Variants in KIF3C observed in about 807,000 individuals in gnomAD.
KIF3C encodes kinesin-like protein KIF3C.
KIF3C carries 12 observed loss-of-function variants against 67.7 expected under a neutral mutation model. That is an observed-to-expected ratio of 0.18 (90% confidence interval 0.11 to 0.29). The LOEUF (loss-of-function observed/expected upper bound fraction) is 0.29. Among genes scored for constraint, KIF3C ranks in the 10% least tolerant of loss-of-function variants. The probability of loss-of-function intolerance (pLI) is 1.00; values close to 1 mark genes in which losing one functional copy is unlikely to be tolerated. For missense variants in KIF3C, 789 were observed against 1,059.6 expected, an observed-to-expected ratio of 0.74 and a Z score of 3.55; for synonymous variants, 393 against 426.2, an observed-to-expected ratio of 0.92 and a Z score of 0.96.
At chr2:25,945,530 G>A (rs762250192) in intron 5 of KIF3C, among the ~76,000 whole-genome samples, 6 of 130,342 alleles carry the variant, frequency 4.6e-5, no homozygotes, top group Non-Finnish European at 4.6e-5. Context: ...TAGTGTCACC[G>A]CACTCCAGCC....
At chr2:25,933,706 C>G (rs1419042522) in intron 5 of KIF3C, among the ~76,000 whole-genome samples, 2 of 150,468 alleles carry the variant, frequency 1.3e-5, no homozygotes, top group African/African-American at 4.9e-5. Flanking sequence ...ACAATGGATA[C>G]CAGTTCAGAT....
At chr2:25,977,625 T>C (rs1053354707) in intron 1 of KIF3C, among the ~76,000 whole-genome samples, 3 of 152,198 alleles carry the variant, frequency 2.0e-5, no homozygotes, top group African/African-American at 7.2e-5. Flanking sequence ...AGCCACCCCA[T>C]AGCTGCTAAT....
intron 1 of KIF3C, among the ~76,000 whole-genome samples, chr2:25,963,795 C>T (rs961589946): frequency 2.3e-4 from 34 of 150,766 alleles, no homozygotes; most frequent in Admixed American, 1.5e-3. Flanking sequence ...CAGGTTCAAG[C>T]GACTCTCCTG....
chr2:25,937,292 G>A (rs1663153916), intron 5 of KIF3C, among the ~76,000 whole-genome samples: 1 of 152,240 alleles, frequency 6.6e-6, no homozygotes, highest in Non-Finnish European at 1.5e-5. Context: ...GCTGCCTTCT[G>A]CAGCTGGCAG....
chr2:25,934,799 C>T (rs2149222663), intron 5 of KIF3C, among the ~76,000 whole-genome samples: 1 of 152,206 alleles, frequency 6.6e-6, no homozygotes, highest in South Asian at 2.1e-4. Flanking sequence ...GAGACTCATG[C>T]TTGTAATCCC....
chr2:25,936,184 A>G (rs1439735721), intron 5 of KIF3C, among the ~76,000 whole-genome samples: 1 of 152,124 alleles, frequency 6.6e-6, no homozygotes, highest in Non-Finnish European at 1.5e-5. Context: ...AAGAGCAAAT[A>G]AAAAGATGAA....
chr2:25,938,766 TGCACCCCTCCCTTTAA>T (rs1663208148), intron 5 of KIF3C, among the ~76,000 whole-genome samples: 2 of 152,098 alleles, frequency 1.3e-5, no homozygotes, highest in African/African-American at 4.8e-5. Context: ...TCTGCGTTTA[TGCACCCCTCCCTTTAA>T]GCACCCCTCC....
chr2:25,973,553 CAAAAAA>C (rs5829988), intron 1 of KIF3C, among the ~76,000 whole-genome samples: 2 of 106,842 alleles, frequency 1.9e-5, no homozygotes, highest in Non-Finnish European at 4.0e-5. Flanking sequence ...GACTCTGTCT[CAAAAAA>C]AAAAAAAAAA....
At position 25,957,939 on chromosome 2, in the gene KIF3C, A is replaced by G. The variant is rs569230692; in HGVS notation, c.1546-1495T>C. 7.2e-5 allele frequency among the ~76,000 whole-genome samples: 11 copies of G among 152,266 alleles called. No homozygotes were observed. In the East Asian group the frequency reaches 1.9e-3, roughly 27 times the overall value. On this transcript the variant is annotated intron_variant, in intron 1 of 7. Transcript: ENST00000264712. ...GGTTAATGATCTCCCCTCTTACCGC[A>G]TTGCCTTGCCACAGACCTAAACCCA...
At chr2:25,972,026 G>A (rs1240618231) in intron 1 of KIF3C, among the ~76,000 whole-genome samples, 4 of 151,586 alleles carry the variant, frequency 2.6e-5, no homozygotes, top group South Asian at 2.1e-4. Flanking sequence ...TGCACCTGGG[G>A]AAGCATTTCC....
chr2:25,928,878 T>TGCACGCACACGCACAC lies in KIF3C; in HGVS notation c.*84_*99dup. ...ACCCCTGCACACACGCACACGCACATGCACGCACACGCACACGCACCAAGC... is the reference window on the plus strand; with the variant it reads ...ACCCCTGCACACACGCACACGCACATGCACGCACACGCACACGCACGCACACGCACACGCACCAAGC... On this transcript the variant is annotated 3_prime_UTR_variant, in exon 8 of 8. Coordinates refer to ENST00000264712, the MANE Select transcript of KIF3C (RefSeq NM_002254.8). 1.1e-6 allele frequency: 1 copy of TGCACGCACACGCACAC among 937,112 alleles called. No individual in the cohort carries two copies. Among genetic ancestry groups the TGCACGCACACGCACAC allele is most frequent in the East Asian group, 2.4e-5 (1 of 41,242 alleles). The allele number at this position is 937,112 out of a possible 1,614,324, so 58.0% of individuals were successfully genotyped here. A position where few individuals can be genotyped will look rare whatever the true frequency, so the allele number is the denominator to read the frequency against.
In KIF3C at chr2:25,982,160, C is replaced by T. The variant is rs533689702; in HGVS notation, c.-243G>A. On this transcript the variant is annotated 5_prime_UTR_variant, in exon 1 of 8. Transcript: ENST00000264712. Reference sequence around the variant, plus strand: ...GGTGAATTAGGCAGAATCCCCCAGTCGCCGCGGGAGCAGCGCCTGCCGAGC... The same window carrying T: ...GGTGAATTAGGCAGAATCCCCCAGTTGCCGCGGGAGCAGCGCCTGCCGAGC... 2 of 436,424 alleles carry T rather than the reference C, an allele frequency of 4.6e-6. No individual in the cohort carries two copies. The highest frequency in any genetic ancestry group is 6.7e-5 in the South Asian group (1 of 14,894). The allele number at this position is 436,424 out of a possible 1,614,324, so 27.0% of individuals were successfully genotyped here. A position where few individuals can be genotyped will look rare whatever the true frequency, so the allele number is the denominator to read the frequency against.
chr2:25,941,619 G>A (rs1663284813), intron 5 of KIF3C, among the ~76,000 whole-genome samples: 1 of 151,938 alleles, frequency 6.6e-6, no homozygotes, highest in Non-Finnish European at 1.5e-5. Context: ...TAGGCCAGGT[G>A]TGGTGGCTCA....
At chr2:25,961,371 T>A (rs1009102082) in intron 1 of KIF3C, among the ~76,000 whole-genome samples, 11 of 152,240 alleles carry the variant, frequency 7.2e-5, no homozygotes, top group South Asian at 4.1e-4. Flanking sequence ...AAGGAGTGCA[T>A]GGGTGAAATA....
intron 4 of KIF3C, among the ~76,000 whole-genome samples, chr2:25,952,460 T>C (rs1048131712): frequency 1.3e-5 from 2 of 151,670 alleles, no homozygotes; most frequent in Non-Finnish European, 2.9e-5. Flanking sequence ...ATTAGAAAAA[T>C]GAATAAATAC....
chr2:25,929,150 C>CA (rs1211020210), intron 7 of KIF3C, 79 bp from the exon 8 acceptor site: 1 of 1,423,612 alleles, frequency 7.0e-7, no homozygotes, highest in African/African-American at 1.4e-5. Flanking sequence ...TCCTTTGCCC[C>CA]ATCCTGTTGC....
At chr2:25,959,483 T>C (rs1292321070) in intron 1 of KIF3C, among the ~76,000 whole-genome samples, 1 of 151,794 alleles carries the variant, frequency 6.6e-6, no homozygotes, top group African/African-American at 2.4e-5. Context: ...TTGGGCTCTC[T>C]TTTTTTTCTG....
intron 5 of KIF3C, among the ~76,000 whole-genome samples, chr2:25,942,289 C>T (rs548785420): frequency 2.6e-5 from 4 of 151,686 alleles, no homozygotes; most frequent in South Asian, 2.1e-4. Flanking sequence ...GCCTGGGAGG[C>T]GGAGGTTGCA....
chr2:25,934,038 C>T (rs1559547639), intron 5 of KIF3C: 1 of 432,030 alleles, frequency 2.3e-6, no homozygotes, highest in South Asian at 1.7e-5. Context: ...CTCACCAATA[C>T]AAAGGAATGA....
Sources: gnomAD v4.1 joint callset for allele counts (sites outside exome capture counted in the v4.1 genomes callset) on GRCh38, gnomAD v4.1.1 for gene constraint, MANE v1.5 for transcripts, NCBI Gene and HGNC (gene_info 2026-07-23, HGNC 2026-07-21) for gene names.